The following ITSN1 variants were observed in gnomAD, a reference collection of about 807,000 sequenced individuals.
ITSN1 encodes the protein intersectin-1.
Under a neutral mutation model 239.8 loss-of-function variants are expected in ITSN1, and 58 were observed. The observed-to-expected ratio is 0.24, with a 90% CI of 0.20 to 0.30. ITSN1 has a LOEUF of 0.30. Ranked by LOEUF, ITSN1 falls within the 10% of genes least tolerant of loss-of-function variation. ITSN1 has a pLI of 1.00. For synonymous variants in ITSN1, 780 were observed against 770.8 expected (o/e 1.01, Z -0.20); for missense variants, 1,558 against 2,103.3 (o/e 0.74, Z 5.07).
At chr21:33,680,796 G>C (rs1257766448) in intron 1 of ITSN1, among the ~76,000 whole-genome samples, 1 of 152,198 alleles carries the variant, frequency 6.6e-6, no homozygotes, top group Non-Finnish European at 1.5e-5. Flanking sequence ...CTACCACTTA[G>C]AACATTAAGT....
At chr21:33,827,007 C>A in intron 26 of ITSN1, 144 bp downstream of exon 26, 1 of 677,166 alleles carries the variant, frequency 1.5e-6, no homozygotes, top group Non-Finnish European at 2.6e-6. Context: ...TCCTTGGAAT[C>A]CATTAATAAT....
intron 1 of ITSN1, among the ~76,000 whole-genome samples, chr21:33,670,460 C>T (rs547558206): frequency 6.6e-6 from 1 of 151,702 alleles, no homozygotes; most frequent in South Asian, 2.1e-4. Context: ...AGTTAGTATA[C>T]ATAGCTTTTT....
rs1213934695 is a variant in ITSN1, at chr21:33,851,772, T to C, written c.3662-4964T>C. ...TCGTTTTTTTTCTTTTCTTTTCTTT[T>C]CTTTCCTTTTTTTTTTTTTTTTTTT... On this transcript the variant is annotated intron_variant, in intron 29 of 39. Coordinates refer to ENST00000381318, the MANE Select transcript of ITSN1 (RefSeq NM_003024.3). 2.0e-3 allele frequency among the ~76,000 whole-genome samples: 276 copies of C among 135,746 alleles called. 2 individuals carry two copies. The highest frequency in any genetic ancestry group is 7.2e-3 in the African/African-American group (260 of 36,136). 89.1% of individuals were successfully genotyped at this position (135,746 alleles called of 152,430 possible).
At position 33,862,962 on chromosome 21, in the gene ITSN1, T is replaced by C. The variant is rs80101636; in HGVS notation, c.3891-2189T>C. Among the ~76,000 whole-genome samples the C allele has an allele frequency of 4.8e-3, 738 of 152,352 alleles. 6 individuals are homozygous for C. Among genetic ancestry groups the C allele is most frequent in the African/African-American group, 0.016 (673 of 41,580 alleles). ...AATCATTGAGCGCTCTTTGAAACATTTGTTAGCCAGTTAATTGCCTTTTGC... is the reference window on the plus strand; with the variant it reads ...AATCATTGAGCGCTCTTTGAAACATCTGTTAGCCAGTTAATTGCCTTTTGC... On this transcript the variant is annotated intron_variant, in intron 31 of 39. Transcript: ENST00000381318.
At chr21:33,706,982 C>G (rs1461765231) in intron 1 of ITSN1, among the ~76,000 whole-genome samples, 1 of 152,162 alleles carries the variant, frequency 6.6e-6, no homozygotes, top group Non-Finnish European at 1.5e-5. Flanking sequence ...CTCGGCCTCC[C>G]AAAGTGCTGG....
At chr21:33,715,314 G>C (rs2065072631) in intron 1 of ITSN1, among the ~76,000 whole-genome samples, 2 of 152,098 alleles carry the variant, frequency 1.3e-5, no homozygotes, top group Non-Finnish European at 2.9e-5. Flanking sequence ...TAATAAGAAA[G>C]TATGGTAAAG....
chr21:33,755,468 A>G (rs571735777), intron 8 of ITSN1, 71 bp downstream of exon 8: 417 of 825,662 alleles, frequency 5.1e-4, no homozygotes, highest in Non-Finnish European at 7.4e-4. Flanking sequence ...ATATTGGGTC[A>G]TAGATATTTT....
chr21:33,718,941 A>T, intron 2 of ITSN1, 85 bp downstream of exon 2: 1 of 1,059,298 alleles, frequency 9.4e-7, no homozygotes, highest in East Asian at 2.4e-5. Flanking sequence ...AAAATTAAAA[A>T]GTAGAGAAAA....
In ITSN1 at chr21:33,885,432, G is replaced by A. The variant is rs199659268; in HGVS notation, c.4760-7G>A. On this transcript the variant is annotated splice_polypyrimidine_tract_variant and splice_region_variant and intron_variant, in intron 37 of 39. Coordinates refer to ENST00000381318, the MANE Select transcript of ITSN1 (RefSeq NM_003024.3). ...TGAAGCATTTTGTGTTTTTCCTGCC[G>A]TCATAGTCCGTTCCCAAAGGGCAAC... 85 of 1,613,746 alleles carry A rather than the reference G, an allele frequency of 5.3e-5. No individual in the cohort carries two copies. In the East Asian group the frequency reaches 7.1e-4, roughly 14 times the overall value.
chr21:33,689,786 A>G (rs777827942), intron 1 of ITSN1, among the ~76,000 whole-genome samples: 10 of 151,850 alleles, frequency 6.6e-5, no homozygotes, highest in Non-Finnish European at 1.3e-4. Flanking sequence ...TGGCCAACAT[A>G]GTGAAACCCT....
chr21:33,833,589 C>T (rs191031050), intron 27 of ITSN1, among the ~76,000 whole-genome samples: 53 of 152,336 alleles, frequency 3.5e-4, no homozygotes, highest in Non-Finnish European at 6.0e-4. Flanking sequence ...CAGTGAGGGC[C>T]GGGCGCGGTG....
chr21:33,693,832 T>G (rs1027455128), intron 1 of ITSN1, among the ~76,000 whole-genome samples: 1 of 152,254 alleles, frequency 6.6e-6, no homozygotes, highest in African/African-American at 2.4e-5. Flanking sequence ...TTATCTTATC[T>G]GATACAATGT....
At chr21:33,838,016 T>G in intron 29 of ITSN1, 1 of 985,764 alleles carries the variant, frequency 1.0e-6, no homozygotes, top group Non-Finnish European at 1.2e-6. Flanking sequence ...TATAGAAGTC[T>G]CCCTGCAATT....
chr21:33,725,426 G>A (rs2065770919), intron 4 of ITSN1, among the ~76,000 whole-genome samples: 1 of 151,930 alleles, frequency 6.6e-6, no homozygotes, highest in Non-Finnish European at 1.5e-5. Flanking sequence ...GAGTCACTGT[G>A]CCCGGCCAAA....
chr21:33,737,589 T>C (rs533192198), intron 5 of ITSN1, among the ~76,000 whole-genome samples: 1 of 152,294 alleles, frequency 6.6e-6, no homozygotes, highest in Non-Finnish European at 1.5e-5. Flanking sequence ...ATTTATTTAT[T>C]TTGAGACAGA....
In ITSN1 at chr21:33,897,994, C is replaced by T. The variant is rs904928870; in HGVS notation, c.*9694C>T. ...GAAAAGTATCCTGTAGCTATGACCT[C>T]GCATGGGACCTTGGTGTTGCATTAA... On this transcript the variant is annotated 3_prime_UTR_variant, in exon 40 of 40. Coordinates refer to ENST00000381318, the MANE Select transcript of ITSN1 (RefSeq NM_003024.3). 2.0e-5 allele frequency: 3 copies of T among 152,126 alleles called. No individual in the cohort carries two copies. Among genetic ancestry groups the T allele is most frequent in the South Asian group, 2.1e-4 (1 of 4,834 alleles). The allele number at this position is 152,126 out of a possible 1,614,324, so 9.4% of individuals were successfully genotyped here. A position where few individuals can be genotyped will look rare whatever the true frequency, so the allele number is the denominator to read the frequency against.
At chr21:33,643,175 C>T (rs1292058473) in intron 1 of ITSN1, among the ~76,000 whole-genome samples, 1 of 151,886 alleles carries the variant, frequency 6.6e-6, no homozygotes, top group Non-Finnish European at 1.5e-5. Context: ...GCGGCGCCGC[C>T]TCTGCCTGGA....
chr21:33,656,747 A>G lies in ITSN1; in HGVS notation c.-33+14034A>G, dbSNP rs753449270. On this transcript the variant is annotated intron_variant, in intron 1 of 39. Transcript: ENST00000381318. The stretch of plus-strand genomic sequence containing the variant: ...TATTTATTTGGCAGAGTCTCACTCT[A>G]TCGCCCAGGCTGGAGCGCAATCGTG... Among the ~76,000 whole-genome samples the G allele has an allele frequency of 2.1e-4, 32 of 152,170 alleles. No individual in the cohort carries two copies. In the East Asian group the frequency reaches 2.7e-3, roughly 13 times the overall value.
Position 33,813,976 on chromosome 21 carries a change from C to A in ITSN1, c.2631C>A (p.Pro877=), listed in dbSNP as rs1432121276. The A allele has an allele frequency of 6.2e-7, 1 of 1,614,014 alleles. No individual in the cohort carries two copies. The highest frequency in any genetic ancestry group is 1.3e-5 in the African/African-American group (1 of 74,892). ...TDNWDAWAAQ[P]SLTVPSAGQL... ...ACTGGGATGCATGGGCAGCCCAGCC[C>A]TCTCTCACCGTTCCAAGTGCCGGCC... is the stretch of plus-strand genomic sequence containing the variant. The change falls in exon 22 of 40, where the codon CCC becomes CCA. Residue 877 remains proline, a synonymous_variant. Transcript: ENST00000381318.
Sources: allele counts gnomAD v4.1 joint callset (sites outside exome capture counted in the v4.1 genomes callset), GRCh38; gene constraint gnomAD v4.1.1; transcripts MANE v1.5; gene names NCBI Gene and HGNC (gene_info 2026-07-23, HGNC 2026-07-21).